The following ZFYVE26 variants were observed in gnomAD, a reference collection of about 807,000 sequenced individuals.
The protein encoded by ZFYVE26 is zinc finger FYVE domain-containing protein 26.
In ZFYVE26, 181 loss-of-function variants were observed where a neutral mutation model predicts 276.5. That is an observed-to-expected ratio of 0.65 (90% CI 0.58 to 0.74). The LOEUF is 0.74. Ranked by LOEUF, ZFYVE26 falls within the 30% of genes least tolerant of loss-of-function variation. The pLI, the probability that ZFYVE26 is intolerant of heterozygous loss-of-function variation, is 0.00. For missense variants in ZFYVE26, 2,821 were observed against 3,097.9 expected (o/e 0.91, Z 2.12); for synonymous variants, 1,129 against 1,203.1 (o/e 0.94, Z 1.27).
chr14:67,785,765 T>A, intron 18 of ZFYVE26, 93 bp downstream of exon 18: 1 of 1,554,768 alleles, frequency 6.4e-7, no homozygotes, highest in Non-Finnish European at 8.9e-7. Context: ...AGTTCTGGAG[T>A]CCCAAGCCTC....
intron 18 of ZFYVE26, 24 bp downstream of exon 18, chr14:67,785,833 TG>T (rs1432193658): frequency 6.2e-7 from 1 of 1,613,914 alleles, no homozygotes; most frequent in African/African-American, 1.3e-5. Flanking sequence ...AGCTTTTATT[TG>T]TTCCCAAGCA....
rs1463944005 is a variant in ZFYVE26, at chr14:67,785,851, C to T, written c.3304+7G>A. 2.5e-6 allele frequency: 4 copies of T among 1,614,080 alleles called. No homozygotes were observed. The highest frequency in any genetic ancestry group is 4.5e-5 in the East Asian group (2 of 44,868). ...TTTTATTTGTTCCCAAGCAGACAGCCTTATACCTGGCAGCTCTAGTGCCTC... is the reference window on the plus strand; with the variant it reads ...TTTTATTTGTTCCCAAGCAGACAGCTTTATACCTGGCAGCTCTAGTGCCTC... On this transcript the variant is annotated splice_region_variant and intron_variant, in intron 18 of 41. Coordinates refer to ENST00000347230, the MANE Select transcript of ZFYVE26 (RefSeq NM_015346.4).
At position 67,807,637 on chromosome 14, in the gene ZFYVE26, T is replaced by G. The variant is rs550411243; in HGVS notation, c.647A>C (p.Asp216Ala). The change falls in exon 5 of 42, where the codon GAT becomes GCT. Residue 216 changes from aspartate (D) to alanine (A), a missense_variant. Physicochemically the swap from Asp to Ala is moderately radical, Grantham distance 126. Transcript: ENST00000347230. ...GPDSVPPGVV[D>A]AIYGALRTLR... ...AGTCCGCAGGGCTCCATAGATGGCA[T>G]CGACTACCCCAGGGGGCACCGAATC... 1.9e-6 allele frequency: 3 copies of G among 1,614,048 alleles called. No homozygotes were observed. The highest frequency in any genetic ancestry group is 2.5e-6 in the Non-Finnish European group (3 of 1,180,028).
chr14:67,790,559 A>C lies in ZFYVE26; in HGVS notation c.2755+13T>G. On this transcript the variant is annotated intron_variant, in intron 15 of 41. Transcript: ENST00000347230. ...CCACCTCACCACTTATGGTGTTAGC[A>C]GGGAAGCCTGACCTGCTGCTGCAGC... 6.2e-7 allele frequency: 1 copy of C among 1,612,684 alleles called. No individual in the cohort carries two copies. The highest frequency in any genetic ancestry group is 8.5e-7 in the Non-Finnish European group (1 of 1,179,724).
rs776920735 is a variant in ZFYVE26, at chr14:67,769,705, C to A, written c.5510G>T (p.Arg1837Leu). 4.3e-6 allele frequency: 7 copies of A among 1,613,926 alleles called. No homozygotes were observed. The Admixed American group carries it at 1.0e-4, about 23-fold the overall frequency. The change falls in exon 29 of 42, where the codon CGC becomes CTC. Residue 1837 changes from arginine to leucine, a missense_variant. Transcript: ENST00000347230. ...GGAGCTGCACACTAGCCGGCCACAG[C>A]GGCGACAATGATGACGCCTGTTAAA... Reference protein sequence around the residue: ...TMFNRRHHCRRCGRLVCSSCS... With the variant: ...TMFNRRHHCRLCGRLVCSSCS...
At chr14:67,794,985 T>C (rs1184755350) in intron 12 of ZFYVE26, among the ~76,000 whole-genome samples, 3 of 152,170 alleles carry the variant, frequency 2.0e-5, no homozygotes, top group African/African-American at 7.2e-5. Context: ...GTCTAAGACC[T>C]GGCTGGCCAA....
intron 25 of ZFYVE26, among the ~76,000 whole-genome samples, chr14:67,776,725 T>C (rs143793107): frequency 7.3e-4 from 111 of 152,338 alleles, no homozygotes; most frequent in African/African-American, 2.5e-3. Flanking sequence ...GCTTGAAATA[T>C]GTTCACTGAC....
chr14:67,750,869 C>A, intron 41 of ZFYVE26, 183 bp downstream of exon 41: 1 of 743,890 alleles, frequency 1.3e-6, no homozygotes, highest in South Asian at 1.5e-5. Flanking sequence ...CCATGTTCAC[C>A]TGCTCCTCAT....
At position 67,788,717 on chromosome 14, in the gene ZFYVE26, G is replaced by A. The variant is rs562854913; in HGVS notation, c.3019+618C>T. ...TGGACTTGGGGACCCCAGACACATG[G>A]GGCTACTCATATCATAACCTATTCA... On this transcript the variant is annotated intron_variant, in intron 16 of 41. Coordinates refer to ENST00000347230, the MANE Select transcript of ZFYVE26 (RefSeq NM_015346.4). 4.6e-5 allele frequency among the ~76,000 whole-genome samples: 7 copies of A among 152,210 alleles called. No individual in the cohort carries two copies. In the South Asian group the frequency reaches 1.5e-3, roughly 32 times the overall value.
At chr14:67,799,641 T>A (rs1337345650) in intron 10 of ZFYVE26, 1 of 1,370,488 alleles carries the variant, frequency 7.3e-7, no homozygotes, top group Non-Finnish European at 1.0e-6. Context: ...TCCTTAGGTG[T>A]AAATTGATGC....
Position 67,785,915 on chromosome 14 carries a change from GGGT to G in ZFYVE26, c.3244_3246del (p.Thr1082del). The G allele has an allele frequency of 6.2e-7, 1 of 1,614,102 alleles. No individual in the cohort carries two copies. The highest frequency in any genetic ancestry group is 8.5e-7 in the Non-Finnish European group (1 of 1,179,996). On this transcript the variant is annotated inframe_deletion, in exon 18 of 42. Coordinates refer to ENST00000347230, the MANE Select transcript of ZFYVE26 (RefSeq NM_015346.4). ...AGGACCTGATCTAGCTGCTGGGAGA[GGGT>G]GGTGTGGCTGGCAACACAGTCCTCG...
Position 67,785,128 on chromosome 14 carries a change from A to G in ZFYVE26, c.3454T>C (p.Leu1152=), listed in dbSNP as rs755944154. ...CTGCAGTAACTGAAGAAGGTGCCCAAGTAGTCCATCTGCCTGCTGCCTGAT... is the reference window on the plus strand; with the variant it reads ...CTGCAGTAACTGAAGAAGGTGCCCAGGTAGTCCATCTGCCTGCTGCCTGAT... ...TPSGSRQMDY[L]GTFFSYCSTL... The change falls in exon 19 of 42, where the codon TTG becomes CTG. Residue 1152 remains leucine, a synonymous_variant. Transcript: ENST00000347230. The G allele has an allele frequency of 6.2e-7, 1 of 1,614,230 alleles. No individual in the cohort carries two copies. The highest frequency in any genetic ancestry group is 1.1e-5 in the South Asian group (1 of 91,080).
rs1012925455 is a variant in ZFYVE26, at chr14:67,747,959, G to A, written c.*477C>T. ...GGTGTTGCTCTAATTCTCTGTAAAA[G>A]CCCTCTAGGTAAGAGGAGCTACTAA... is the stretch of plus-strand genomic sequence containing the variant. On this transcript the variant is annotated 3_prime_UTR_variant, in exon 42 of 42. Coordinates refer to ENST00000347230, the MANE Select transcript of ZFYVE26 (RefSeq NM_015346.4). 8 of 168,902 alleles carry A rather than the reference G, an allele frequency of 4.7e-5. No homozygotes were observed. Among genetic ancestry groups the A allele is most frequent in the Non-Finnish European group, 1.0e-4 (8 of 77,292 alleles). 10.5% of individuals were successfully genotyped at this position (168,902 alleles called of 1,614,324 possible). A position where few individuals can be genotyped will look rare whatever the true frequency, so the allele number is the denominator to read the frequency against.
chr14:67,805,377 G>A (rs1262801012), intron 7 of ZFYVE26, 72 bp from the exon 8 acceptor site: 12 of 1,613,360 alleles, frequency 7.4e-6, no homozygotes, highest in Non-Finnish European at 1.0e-5. Flanking sequence ...CTGATTTTAG[G>A]GCTCTGCATT....
In ZFYVE26 at chr14:67,784,360, CAGG is replaced by C. The variant is rs762981209; in HGVS notation, c.3597_3599del (p.Leu1200del). ...TCTCTGGGGGAACTTGTCTCTCAAA[CAGG>C]AGATGTGACACCAGTTGGGAAGAGC... is the stretch of plus-strand genomic sequence containing the variant. On this transcript the variant is annotated inframe_deletion, in exon 20 of 42. Transcript: ENST00000347230. 1.2e-6 allele frequency: 2 copies of C among 1,613,998 alleles called. No individual in the cohort carries two copies. Among genetic ancestry groups the C allele is most frequent in the South Asian group, 1.1e-5 (1 of 91,078 alleles).
At chr14:67,781,216 A>G (rs763130018) in intron 22 of ZFYVE26, 117 bp downstream of exon 22, 1 of 1,289,710 alleles carries the variant, frequency 7.8e-7, no homozygotes, top group Non-Finnish European at 1.1e-6. Flanking sequence ...GCCAGATGCA[A>G]AGCAAAACCC....
At chr14:67,750,348 TC>T in intron 41 of ZFYVE26, 1 of 154,532 alleles carries the variant, frequency 6.5e-6, no homozygotes, top group South Asian at 2.0e-4. Flanking sequence ...TTGCCTGACG[TC>T]AGTTTTCATC....
At chr14:67,745,870 A>T (rs979682501), downstream of ZFYVE26, among the ~76,000 whole-genome samples, 1 of 143,284 alleles carries the variant, frequency 7.0e-6, no homozygotes, top group African/African-American at 2.6e-5. Flanking sequence ...TACAAAAAAT[A>T]AAAAAAAATT....
At chr14:67,774,457 C>T (rs2039289286) in intron 27 of ZFYVE26, among the ~76,000 whole-genome samples, 1 of 151,986 alleles carries the variant, frequency 6.6e-6, no homozygotes, top group Non-Finnish European at 1.5e-5. Flanking sequence ...CGTGATCGTG[C>T]CACTGCACTC....
Sources: gnomAD v4.1 joint callset for allele counts (sites outside exome capture counted in the v4.1 genomes callset) on GRCh38, gnomAD v4.1.1 for gene constraint, MANE v1.5 for transcripts, NCBI Gene and HGNC (gene_info 2026-07-23, HGNC 2026-07-21) for gene names.